Variants in FAM114A2 observed in about 807,000 individuals in gnomAD.
FAM114A2 encodes protein FAM114A2.
In FAM114A2, 53 loss-of-function variants were observed where a neutral mutation model predicts 58.4. That is an observed-to-expected ratio of 0.91 (90% CI 0.73 to 1.14). The LOEUF (loss-of-function observed/expected upper bound fraction) is 1.14, where lower values mean the gene tolerates loss of function less well. Among genes scored for constraint, FAM114A2 ranks in the 50% most tolerant of loss-of-function variants. The pLI, the probability that FAM114A2 is intolerant of heterozygous loss-of-function variation, is 0.00. For synonymous variants in FAM114A2, 228 were observed against 211.4 expected (o/e 1.08, Z -0.68); for missense variants, 601 against 581.1 (o/e 1.03, Z -0.35).
At chr5:154,030,723 C>A (rs546773899) in intron 4 of FAM114A2, among the ~76,000 whole-genome samples, 1 of 152,308 alleles carries the variant, frequency 6.6e-6, no homozygotes, top group African/African-American at 2.4e-5. Flanking sequence ...TCTAAGAATC[C>A]GCATAGGCAT....
chr5:153,994,558 A>G (rs970114380), intron 13 of FAM114A2: 2 of 167,630 alleles, frequency 1.2e-5, no homozygotes, highest in African/African-American at 4.8e-5. Context: ...ACCTCTGCAT[A>G]AACTTTAGTC....
At chr5:154,002,739 A>G (rs968553522) in intron 10 of FAM114A2, 108 bp downstream of exon 10, 1 of 1,108,762 alleles carries the variant, frequency 9.0e-7, no homozygotes, top group Admixed American at 2.1e-5. Flanking sequence ...CCTAGATCAC[A>G]AGGTTGAAAT....
At chr5:154,025,309 A>C (rs967335839) in intron 8 of FAM114A2, among the ~76,000 whole-genome samples, 2 of 151,970 alleles carry the variant, frequency 1.3e-5, no homozygotes, top group Middle Eastern at 3.2e-3. Context: ...TTTAACTGCC[A>C]ATGCATGGCA....
intron 4 of FAM114A2, among the ~76,000 whole-genome samples, chr5:154,032,470 T>C (rs538075517): frequency 1.5e-4 from 23 of 152,316 alleles, no homozygotes; most frequent in African/African-American, 5.1e-4. Context: ...AAGCCACTTC[T>C]AACCCCCTTT....
intron 11 of FAM114A2, 33 bp from the exon 12 acceptor site, chr5:153,997,908 TTC>T (rs926302086): frequency 1.9e-5 from 25 of 1,333,734 alleles, no homozygotes; most frequent in African/African-American, 2.9e-5. Flanking sequence ...GAAACGTTTT[TTC>T]TTTTTTTAAA....
intron 9 of FAM114A2, among the ~76,000 whole-genome samples, chr5:154,007,619 C>T (rs1384217512): frequency 6.6e-6 from 1 of 152,136 alleles, no homozygotes; most frequent in Non-Finnish European, 1.5e-5. Flanking sequence ...ACTGGCCTTA[C>T]AAAAATACGT....
chr5:154,038,812 C>T (rs942509269), intron 1 of FAM114A2, 45 bp downstream of exon 1: 4 of 152,508 alleles, frequency 2.6e-5, no homozygotes, highest in African/African-American at 9.6e-5. Context: ...CGGGCCCTGC[C>T]CCTGAACCTC....
intron 8 of FAM114A2, among the ~76,000 whole-genome samples, chr5:154,013,133 A>G (rs907309669): frequency 6.6e-6 from 1 of 152,178 alleles, no homozygotes; most frequent in Non-Finnish European, 1.5e-5. Flanking sequence ...TGATAAAAAA[A>G]TTTTGAAGAT....
intron 4 of FAM114A2, among the ~76,000 whole-genome samples, chr5:154,030,936 G>A (rs1156380931): frequency 2.6e-5 from 4 of 152,044 alleles, no homozygotes; most frequent in African/African-American, 7.2e-5. Context: ...TGGAGACTTC[G>A]GAAGAGTCAA....
At chr5:154,003,030 C>T (rs865832232) in intron 9 of FAM114A2, 61 bp from the exon 10 acceptor site, 5 of 1,516,414 alleles carry the variant, frequency 3.3e-6, no homozygotes, top group African/African-American at 1.4e-5. Context: ...TTACTGTGCA[C>T]CTACCAGGAA....
chr5:154,030,999 C>T (rs942427491), intron 4 of FAM114A2, among the ~76,000 whole-genome samples: 3 of 152,062 alleles, frequency 2.0e-5, no homozygotes, highest in Admixed American at 2.0e-4. Flanking sequence ...CCACTATAGA[C>T]TCACCCTAAA....
chr5:153,997,178 C>T (rs1002479681), intron 12 of FAM114A2, among the ~76,000 whole-genome samples: 2 of 152,090 alleles, frequency 1.3e-5, no homozygotes, highest in African/African-American at 4.8e-5. Flanking sequence ...TAAAACTGTG[C>T]AGCCAATTTG....
chr5:154,019,646 T>A (rs746229086), intron 8 of FAM114A2, among the ~76,000 whole-genome samples: 1 of 152,070 alleles, frequency 6.6e-6, no homozygotes, highest in East Asian at 1.9e-4. Context: ...TATAAGACCA[T>A]AGTCACCAAA....
chr5:154,017,287 A>G (rs1258459554), intron 8 of FAM114A2, among the ~76,000 whole-genome samples: 1 of 152,204 alleles, frequency 6.6e-6, no homozygotes, highest in Non-Finnish European at 1.5e-5. Flanking sequence ...TACTAAAAAT[A>G]CAAAATTAGC....
At chr5:153,994,688 A>G in intron 13 of FAM114A2, 1 of 457,982 alleles carries the variant, frequency 2.2e-6, no homozygotes, top group Non-Finnish European at 4.0e-6. Context: ...GATTAGTACT[A>G]AGTAATGACA....
At chr5:154,038,453 G>A (rs1414343527) in intron 1 of FAM114A2, 1 of 152,150 alleles carries the variant, frequency 6.6e-6, no homozygotes, top group African/African-American at 2.4e-5. Flanking sequence ...ATTCAGTGAC[G>A]CGATATGTGA....
At chr5:154,005,579 A>G (rs996837776) in intron 9 of FAM114A2, among the ~76,000 whole-genome samples, 16 of 152,220 alleles carry the variant, frequency 1.1e-4, no homozygotes, top group African/African-American at 2.9e-4. Flanking sequence ...AAGCCGAAAG[A>G]CACAGATAGG....
chr5:154,037,565 A>C (rs1258441641), intron 1 of FAM114A2, among the ~76,000 whole-genome samples: 1 of 152,196 alleles, frequency 6.6e-6, no homozygotes, highest in African/African-American at 2.4e-5. Flanking sequence ...TATATGAATA[A>C]ATGTTTCCTA....
chr5:153,995,980 T>C (rs992440419), intron 12 of FAM114A2, among the ~76,000 whole-genome samples: 4 of 152,094 alleles, frequency 2.6e-5, no homozygotes, highest in Non-Finnish European at 4.4e-5. Context: ...GAAGATAGCA[T>C]AAAAAATACT....
Sources: allele counts gnomAD v4.1 joint callset (sites outside exome capture counted in the v4.1 genomes callset), GRCh38; gene constraint gnomAD v4.1.1; transcripts MANE v1.5; gene names NCBI Gene and HGNC (gene_info 2026-07-23, HGNC 2026-07-21).